The following RXRA variants were observed in gnomAD, a reference collection of about 807,000 sequenced individuals.
RXRA encodes the protein retinoid X receptor alpha, also known as retinoic acid receptor RXR-alpha.
Under a neutral mutation model 44.5 loss-of-function variants are expected in RXRA, and 5 were observed. The observed-to-expected ratio is 0.11, with a 90% CI of 0.06 to 0.24. The LOEUF (loss-of-function observed/expected upper bound fraction) is 0.24, where lower values mean the gene tolerates loss of function less well. Among genes scored for constraint, RXRA ranks in the 10% least tolerant of loss-of-function variants. RXRA has a pLI of 1.00. For missense variants in RXRA, 412 were observed against 646.5 expected (o/e 0.64, Z 3.93); for synonymous variants, 291 against 271.4 (o/e 1.07, Z -0.71).
intron 1 of RXRA, among the ~76,000 whole-genome samples, chr9:134,393,215 C>G (rs892332451): frequency 6.6e-6 from 1 of 151,918 alleles, no homozygotes; most frequent in African/African-American, 2.4e-5. Flanking sequence ...GCGCTCTTCT[C>G]CCTGTAGCAC....
At chr9:134,368,006 T>C (rs779820101) in intron 1 of RXRA, among the ~76,000 whole-genome samples, 37 of 152,238 alleles carry the variant, frequency 2.4e-4, no homozygotes, top group Non-Finnish European at 4.3e-4. Context: ...CAGAGTAATT[T>C]GTTATTAAAC....
intron 1 of RXRA, among the ~76,000 whole-genome samples, chr9:134,393,996 C>T (rs913485953): frequency 6.6e-6 from 1 of 151,804 alleles, no homozygotes. Context: ...CCCAAAACAC[C>T]ATCCCCTTGC....
In RXRA at chr9:134,426,043, C is replaced by G. The variant is rs546193878; in HGVS notation, c.911-3065C>G. On this transcript the variant is annotated intron_variant, in intron 6 of 9. Coordinates refer to ENST00000481739, the MANE Select transcript of RXRA (RefSeq NM_002957.6). This position sits in a 1 kb window ranked among gnomAD's most constrained non-coding sequence, Gnocchi z 4.6. ...GGGGTCCTGCAACCCCAGCAGAGGCCCTGAGCGTTTGGGCAGGGCCACGAG... is the reference window on the plus strand; with the variant it reads ...GGGGTCCTGCAACCCCAGCAGAGGCGCTGAGCGTTTGGGCAGGGCCACGAG... 2.0e-6 allele frequency: 2 copies of G among 985,366 alleles called. No individual in the cohort carries two copies. Among genetic ancestry groups the G allele is most frequent in the South Asian group, 4.7e-5 (1 of 21,280 alleles). 61.0% of individuals were successfully genotyped at this position (985,366 alleles called of 1,614,324 possible).
At chr9:134,350,969 C>T (rs955077462) in intron 1 of RXRA, among the ~76,000 whole-genome samples, 8 of 152,226 alleles carry the variant, frequency 5.3e-5, no homozygotes. Flanking sequence ...GGCCCTGTGC[C>T]TCAGCAAGGG....
At chr9:134,418,544 C>A (rs368885995) in intron 5 of RXRA, among the ~76,000 whole-genome samples, 28 of 152,182 alleles carry the variant, frequency 1.8e-4, no homozygotes, top group African/African-American at 6.8e-4. Context: ...GTCTCCCCAC[C>A]CCCCAGGGCC....
At chr9:134,338,651 G>A (rs1291297607) in intron 1 of RXRA, among the ~76,000 whole-genome samples, 3 of 152,206 alleles carry the variant, frequency 2.0e-5, no homozygotes, top group South Asian at 2.1e-4. Flanking sequence ...GCTGGCTGCC[G>A]GATCCCACGC....
At chr9:134,414,545 G>A (rs1480164711) in intron 4 of RXRA, among the ~76,000 whole-genome samples, 1 of 152,254 alleles carries the variant, frequency 6.6e-6, no homozygotes, top group East Asian at 1.9e-4. Context: ...CGGCTGCTTG[G>A]GCTGTGGCAG....
intron 1 of RXRA, among the ~76,000 whole-genome samples, chr9:134,351,573 G>T (rs1830221856): frequency 6.6e-6 from 1 of 152,244 alleles, no homozygotes. Context: ...ATTAAAAATT[G>T]AAGCTGAACC....
intron 1 of RXRA, among the ~76,000 whole-genome samples, chr9:134,371,474 TCTC>T (rs1830490313): frequency 1.3e-5 from 2 of 152,152 alleles, no homozygotes; most frequent in Non-Finnish European, 2.9e-5. Context: ...GGGCTGAGCT[TCTC>T]CTCAAATGCT....
intron 1 of RXRA, among the ~76,000 whole-genome samples, chr9:134,361,321 C>T (rs1214029322): frequency 6.6e-6 from 1 of 152,146 alleles, no homozygotes; most frequent in Non-Finnish European, 1.5e-5. Flanking sequence ...GCCATGCCTC[C>T]TCCCAGGCCC....
intron 1 of RXRA, among the ~76,000 whole-genome samples, chr9:134,398,613 G>A (rs1051118703): frequency 1.3e-5 from 2 of 152,168 alleles, no homozygotes; most frequent in African/African-American, 4.8e-5. Flanking sequence ...AGGTGCCCTG[G>A]AAGGCTGTCC....
intron 1 of RXRA, among the ~76,000 whole-genome samples, chr9:134,353,620 G>A (rs1458262032): frequency 2.0e-5 from 3 of 152,234 alleles, no homozygotes; most frequent in African/African-American, 7.2e-5. Flanking sequence ...CACAGCTAGC[G>A]GGGAGGACGT....
chr9:134,414,526 G>C (rs1831202574), intron 4 of RXRA, among the ~76,000 whole-genome samples: 1 of 152,260 alleles, frequency 6.6e-6, no homozygotes, highest in Non-Finnish European at 1.5e-5. Context: ...GGACTTGGCC[G>C]GGGCCACACG....
At position 134,407,551 on chromosome 9, in the gene RXRA, G is replaced by C. The variant is rs953066436; in HGVS notation, c.280-598G>C. ...GCGGGCCGGCGGGTGGGGCGGAGGG[G>C]TGTGCAGAGAGGCCAGTGGTGTCGT... On this transcript the variant is annotated intron_variant, in intron 2 of 9. Transcript: ENST00000481739. This position sits in a 1 kb window ranked among gnomAD's most constrained non-coding sequence, Gnocchi z 4.8. Among the ~76,000 whole-genome samples the C allele has an allele frequency of 6.6e-6, 1 of 152,004 alleles. No individual in the cohort carries two copies. The highest frequency in any genetic ancestry group is 2.4e-5 in the African/African-American group (1 of 41,390).
chr9:134,417,870 A>AC lies in RXRA; in HGVS notation c.780+546dup, dbSNP rs1253896486. 6.6e-6 allele frequency among the ~76,000 whole-genome samples: 1 copy of AC among 150,934 alleles called. No homozygotes were observed. The highest frequency in any genetic ancestry group is 1.5e-5 in the Non-Finnish European group (1 of 67,696). On this transcript the variant is annotated intron_variant, in intron 5 of 9. Transcript: ENST00000481739. The surrounding 1 kb of genome is among the most constrained non-coding windows in gnomAD (Gnocchi z 6.1). ...CCCCCAGCTGGTCACCCCCATGCTG[A>AC]CCCTCCTGCCCCCTCCCACCCCAAC...
At position 134,426,213 on chromosome 9, in the gene RXRA, C is replaced by G; in HGVS notation, c.911-2895C>G. 3 of 985,418 alleles carry G rather than the reference C, an allele frequency of 3.0e-6. No individual in the cohort carries two copies. Among genetic ancestry groups the G allele is most frequent in the Non-Finnish European group, 3.6e-6 (3 of 829,920 alleles). The allele number at this position is 985,418 out of a possible 1,614,324, so 61.0% of individuals were successfully genotyped here. ...TGGTATCCTCTGCATCACTGAGGTCCTCCTTCTGAAAGGCCAGCGCACCCT... is the reference window on the plus strand; with the variant it reads ...TGGTATCCTCTGCATCACTGAGGTCGTCCTTCTGAAAGGCCAGCGCACCCT... On this transcript the variant is annotated intron_variant, in intron 6 of 9. Transcript: ENST00000481739. The surrounding 1 kb of genome is among the most constrained non-coding windows in gnomAD (Gnocchi z 4.6).
intron 1 of RXRA, among the ~76,000 whole-genome samples, chr9:134,332,308 G>A (rs1835017653): frequency 1.3e-5 from 2 of 152,170 alleles, no homozygotes; most frequent in Admixed American, 6.5e-5. Context: ...CGGGTCCCAG[G>A]GCAGGGCAGG....
rs1588306162 is a variant in RXRA at position 134,425,871 on chromosome 9, G to A, written c.911-3237G>A. 1.0e-5 allele frequency: 10 copies of A among 985,244 alleles called. No homozygotes were observed. The East Asian group carries it at 6.8e-4, about 67-fold the overall frequency. The allele number at this position is 985,244 out of a possible 1,614,324, so 61.0% of individuals were successfully genotyped here. A position where few individuals can be genotyped will look rare whatever the true frequency, so the allele number is the denominator to read the frequency against. ...CTCATTTAACTCTCCAGACCACCAG[G>A]AGTCGGTGTTATTACTGTCCCTTGT... On this transcript the variant is annotated intron_variant, in intron 6 of 9. Transcript: ENST00000481739.
chr9:134,340,746 C>A (rs1279461378), intron 1 of RXRA, among the ~76,000 whole-genome samples: 2 of 152,154 alleles, frequency 1.3e-5, no homozygotes, highest in Non-Finnish European at 2.9e-5. Flanking sequence ...GTGGCCCAAG[C>A]GGTCCTCCCT....
Sources: allele counts gnomAD v4.1 joint callset (sites outside exome capture counted in the v4.1 genomes callset), GRCh38; gene constraint gnomAD v4.1.1; non-coding constraint Gnocchi (gnomAD v3.1); transcripts MANE v1.5; gene names NCBI Gene and HGNC (gene_info 2026-07-23, HGNC 2026-07-21).